SLC4A5: variants seen among roughly 807,000 people sequenced by gnomAD.
SLC4A5 encodes the protein electrogenic sodium bicarbonate cotransporter 4.
In SLC4A5, 96 loss-of-function variants were observed where a neutral mutation model predicts 120.4. The ratio of observed to expected loss-of-function variants is 0.80; its 90% CI spans 0.68 to 0.94. The LOEUF (loss-of-function observed/expected upper bound fraction) is 0.94. SLC4A5 is among the 40% of genes least tolerant of loss of function. The pLI is 0.00. For missense variants in SLC4A5, 1,259 were observed against 1,459.5 expected (o/e 0.86, Z 2.24); for synonymous variants, 550 against 571.1 (o/e 0.96, Z 0.53).
chr2:74,267,733 C>T (rs1471025454), intron 8 of SLC4A5, among the ~76,000 whole-genome samples: 1 of 152,216 alleles, frequency 6.6e-6, no homozygotes, highest in Non-Finnish European at 1.5e-5. Flanking sequence ...AGGTGGCTCA[C>T]GCCTGTGATT....
intron 6 of SLC4A5, among the ~76,000 whole-genome samples, chr2:74,312,825 C>T (rs1405090103): frequency 3.3e-5 from 5 of 151,930 alleles, no homozygotes; most frequent in Non-Finnish European, 7.4e-5. Flanking sequence ...CCCAGCTACT[C>T]GGGAGGCTGA....
At chr2:74,280,454 TTA>T (rs1041773095) in intron 8 of SLC4A5, among the ~76,000 whole-genome samples, 29 of 152,332 alleles carry the variant, frequency 1.9e-4, no homozygotes, top group African/African-American at 7.0e-4. Context: ...TGTTCCATTT[TTA>T]TATCTCTAGC....
At chr2:74,226,529 C>T (rs965978893) in intron 27 of SLC4A5, among the ~76,000 whole-genome samples, 4 of 152,208 alleles carry the variant, frequency 2.6e-5, no homozygotes, top group Non-Finnish European at 5.9e-5. Flanking sequence ...GACCCTCGTT[C>T]TTCCCCTGCC....
rs1446488536 is a variant in SLC4A5, at chr2:74,255,724, G to T, written c.1025+51C>A. ...AACAGCACTGCTTGCTGACTGCACTGCTGACTGGCTACCTGAGAGTGGCGT... is the reference window on the plus strand; with the variant it reads ...AACAGCACTGCTTGCTGACTGCACTTCTGACTGGCTACCTGAGAGTGGCGT... On this transcript the variant is annotated intron_variant, in intron 13 of 30. Transcript: ENST00000394019. This position sits in a 1 kb window ranked among gnomAD's most constrained non-coding sequence, Gnocchi z 4.0. The T allele has an allele frequency of 6.2e-7, 1 of 1,606,322 alleles. No individual in the cohort carries two copies. Among genetic ancestry groups the T allele is most frequent in the African/African-American group, 1.3e-5 (1 of 74,808 alleles).
chr2:74,264,887 A>G (rs1408056590), intron 9 of SLC4A5, among the ~76,000 whole-genome samples: 1 of 152,148 alleles, frequency 6.6e-6, no homozygotes, highest in Admixed American at 6.5e-5. Context: ...GGCATTTTGG[A>G]GGATGGTCTT....
In SLC4A5 at chr2:74,255,920, A is replaced by AT; in HGVS notation, c.879dup (p.Phe294IlefsTer66). On this transcript the variant is annotated frameshift_variant, in exon 13 of 31. Transcript: ENST00000394019. LOFTEE classifies it high-confidence loss of function. This position sits in a 1 kb window ranked among gnomAD's most constrained non-coding sequence, Gnocchi z 4.0. ...GAGTCCTTGGGGATCTTCTTCATGA[A>AT]TTTGTTTTTCCGCTGGACAGGGAGG... The AT allele has an allele frequency of 6.2e-7, 1 of 1,613,688 alleles. No individual in the cohort carries two copies. The highest frequency in any genetic ancestry group is 8.5e-7 in the Non-Finnish European group (1 of 1,179,674).
intron 6 of SLC4A5, chr2:74,307,423 A>G: frequency 1.6e-6 from 1 of 637,394 alleles, no homozygotes; most frequent in Non-Finnish European, 2.9e-6. Flanking sequence ...GTCTCCAGCT[A>G]CAGCCGAGTG....
chr2:74,253,317 G>A (rs918872741), intron 14 of SLC4A5, among the ~76,000 whole-genome samples, 189 bp from the exon 15 acceptor site: 6 of 152,164 alleles, frequency 3.9e-5, no homozygotes, highest in African/African-American at 1.4e-4. Context: ...GCAGGCACTG[G>A]GGGAAGACAG....
intron 8 of SLC4A5, among the ~76,000 whole-genome samples, chr2:74,273,268 T>C (rs1276226028): frequency 3.9e-5 from 6 of 152,256 alleles, no homozygotes; most frequent in Non-Finnish European, 8.8e-5. Context: ...AATATCATTA[T>C]AATTAAATAG....
intron 5 of SLC4A5, among the ~76,000 whole-genome samples, chr2:74,322,968 G>A (rs1385262471): frequency 2.0e-5 from 3 of 152,170 alleles, no homozygotes; most frequent in Admixed American, 6.5e-5. Context: ...GCAGGGTGCG[G>A]TGTCTCACAC....
chr2:74,259,549 C>G (rs1671071372), intron 12 of SLC4A5, 39 bp downstream of exon 12: 2 of 1,609,634 alleles, frequency 1.2e-6, no homozygotes, highest in African/African-American at 1.3e-5. Context: ...TTTTCCTGCC[C>G]TGGCCCTCCA....
At chr2:74,220,305 A>G (rs1180115288) in intron 30 of SLC4A5, among the ~76,000 whole-genome samples, 1 of 150,156 alleles carries the variant, frequency 6.7e-6, no homozygotes. Flanking sequence ...CCTTGAACCT[A>G]TTCTTAACAG....
At chr2:74,304,790 C>A in intron 6 of SLC4A5, 110 bp from the exon 7 acceptor site, 6 of 1,069,686 alleles carry the variant, frequency 5.6e-6, no homozygotes, top group Non-Finnish European at 8.1e-6. Flanking sequence ...AAATGGAAGA[C>A]ATGGAGTGCC....
chr2:74,256,022 T>C (rs1483950603), intron 12 of SLC4A5, 90 bp from the exon 13 acceptor site: 2 of 1,426,194 alleles, frequency 1.4e-6, no homozygotes, highest in Non-Finnish European at 1.9e-6. Flanking sequence ...AGGCCTAACT[T>C]GAAAAAAATT....
At chr2:74,253,413 C>T (rs1670855401) in intron 14 of SLC4A5, among the ~76,000 whole-genome samples, 1 of 152,170 alleles carries the variant, frequency 6.6e-6, no homozygotes. Context: ...TTTCAGTTTT[C>T]CACACATCAT....
intron 14 of SLC4A5, 132 bp from the exon 15 acceptor site, chr2:74,253,260 G>A: frequency 9.4e-7 from 1 of 1,065,588 alleles, no homozygotes; most frequent in Non-Finnish European, 1.4e-6. Context: ...CTCAGTTTTT[G>A]GAATGAGACT....
chr2:74,307,288 C>T (rs1201469931), intron 6 of SLC4A5: 4 of 527,350 alleles, frequency 7.6e-6, no homozygotes. Context: ...TTATCAACGT[C>T]CTAAGATTTG....
chr2:74,338,502 G>A (rs879116065), intron 3 of SLC4A5, among the ~76,000 whole-genome samples: 6 of 152,120 alleles, frequency 3.9e-5, no homozygotes, highest in Admixed American at 3.3e-4. Flanking sequence ...CAGCCAGTTT[G>A]GCTGTATTTA....
At chr2:74,319,524 GT>G (rs1673045605) in intron 5 of SLC4A5, 2 of 152,158 alleles carry the variant, frequency 1.3e-5, no homozygotes, top group South Asian at 4.1e-4. Flanking sequence ...ATTGTCATAG[GT>G]TTGTTTAATA....
Sources: gnomAD v4.1 joint callset for allele counts (sites outside exome capture counted in the v4.1 genomes callset) on GRCh38, gnomAD v4.1.1 for gene constraint, Gnocchi (gnomAD v3.1) non-coding constraint, MANE v1.5 for transcripts, NCBI Gene and HGNC (gene_info 2026-07-23, HGNC 2026-07-21) for gene names.